Variants in CRIM1 observed in about 807,000 individuals in gnomAD.
CRIM1 encodes the protein cysteine-rich motor neuron 1 protein.
A neutral mutation model predicts 116.4 loss-of-function variants in CRIM1; 32 were observed. That is an observed-to-expected ratio of 0.27 (90% CI 0.21 to 0.37). The LOEUF (loss-of-function observed/expected upper bound fraction) is 0.37. CRIM1 is among the 10% of genes least tolerant of loss of function. The probability of loss-of-function intolerance (pLI) is 1.00; values close to 1 mark genes in which losing one functional copy is unlikely to be tolerated. For missense variants in CRIM1, 1,331 were observed against 1,354.8 expected, an observed-to-expected ratio of 0.98 and a Z score of 0.28; for synonymous variants, 590 against 509.2, an observed-to-expected ratio of 1.16 and a Z score of -2.13.
chr2:36,463,270 T>C (rs1182036037), intron 4 of CRIM1, among the ~76,000 whole-genome samples: 5 of 152,352 alleles, frequency 3.3e-5, no homozygotes, highest in South Asian at 4.1e-4. Context: ...GGCCTCATTA[T>C]TGAAGTACTT....
At chr2:36,515,304 CT>C (rs1328457867) in intron 11 of CRIM1, among the ~76,000 whole-genome samples, 12 of 152,316 alleles carry the variant, frequency 7.9e-5, no homozygotes, top group African/African-American at 2.9e-4. Context: ...AGATCTTTCT[CT>C]ATTACAGAGT....
chr2:36,540,970 G>C (rs993026591), intron 14 of CRIM1, among the ~76,000 whole-genome samples: 3 of 152,124 alleles, frequency 2.0e-5, no homozygotes, highest in Non-Finnish European at 4.4e-5. Flanking sequence ...TTTACTATTG[G>C]GTTGAAATTT....
intron 1 of CRIM1, among the ~76,000 whole-genome samples, chr2:36,364,918 C>T (rs1669487291): frequency 2.0e-5 from 3 of 152,070 alleles, no homozygotes; most frequent in Middle Eastern, 6.8e-3. Flanking sequence ...ATTTTAATTT[C>T]CATTCTATTT....
At chr2:36,455,777 G>A (rs918718529) in intron 4 of CRIM1, among the ~76,000 whole-genome samples, 2 of 152,156 alleles carry the variant, frequency 1.3e-5, no homozygotes, top group African/African-American at 4.8e-5. Flanking sequence ...AAACAAATTC[G>A]AGTGGTGCAT....
chr2:36,400,506 C>T (rs1211040024), intron 2 of CRIM1, among the ~76,000 whole-genome samples: 2 of 152,016 alleles, frequency 1.3e-5, no homozygotes, highest in African/African-American at 4.8e-5. Flanking sequence ...AACCTAATTG[C>T]TTATGCTTCA....
At chr2:36,389,673 A>T (rs951531825) in intron 1 of CRIM1, among the ~76,000 whole-genome samples, 2 of 152,208 alleles carry the variant, frequency 1.3e-5, no homozygotes, top group African/African-American at 4.8e-5. Flanking sequence ...AAAAGGTAAG[A>T]ATCTGAGCAT....
intron 1 of CRIM1, among the ~76,000 whole-genome samples, chr2:36,365,507 C>T (rs1220805495): frequency 6.6e-6 from 1 of 152,100 alleles, no homozygotes; most frequent in Non-Finnish European, 1.5e-5. Flanking sequence ...GGTGTGAGGG[C>T]CAGAGGCCAT....
At chr2:36,489,676 G>C (rs541594608) in intron 7 of CRIM1, among the ~76,000 whole-genome samples, 63 of 152,302 alleles carry the variant, frequency 4.1e-4, no homozygotes, top group African/African-American at 1.4e-3. Context: ...ACAGTTTTTA[G>C]AAATAGGTCT....
intron 6 of CRIM1, among the ~76,000 whole-genome samples, chr2:36,479,049 T>A (rs1463345643): frequency 1.3e-5 from 2 of 152,106 alleles, no homozygotes; most frequent in African/African-American, 4.8e-5. Flanking sequence ...TGAGATAGAG[T>A]TTTAGAAGTA....
intron 15 of CRIM1, among the ~76,000 whole-genome samples, chr2:36,545,255 C>A (rs1667238794): frequency 6.6e-6 from 1 of 152,156 alleles, no homozygotes; most frequent in African/African-American, 2.4e-5. Flanking sequence ...TCTAGATATT[C>A]TAAACGTTAT....
At chr2:36,405,564 C>T (rs2148401958) in intron 2 of CRIM1, among the ~76,000 whole-genome samples, 1 of 152,310 alleles carries the variant, frequency 6.6e-6, no homozygotes, top group African/African-American at 2.4e-5. Context: ...GCATTTCCAG[C>T]AAGCCCCAGG....
chr2:36,539,865 A>T (rs1383473338), intron 14 of CRIM1, among the ~76,000 whole-genome samples: 1 of 152,186 alleles, frequency 6.6e-6, no homozygotes, highest in African/African-American at 2.4e-5. Context: ...TTCAGGAAAG[A>T]AACTGAAAGT....
intron 1 of CRIM1, among the ~76,000 whole-genome samples, chr2:36,364,657 C>T (rs1225598192): frequency 1.3e-5 from 2 of 152,266 alleles, no homozygotes; most frequent in East Asian, 1.9e-4. Context: ...CTAGACAAAC[C>T]TGCATTGAAA....
intron 7 of CRIM1, among the ~76,000 whole-genome samples, chr2:36,480,699 A>G (rs1413068361): frequency 1.3e-5 from 2 of 152,146 alleles, no homozygotes; most frequent in Non-Finnish European, 2.9e-5. Flanking sequence ...AAAGACCTTA[A>G]AAATCATATA....
At chr2:36,386,036 G>A (rs1232104867) in intron 1 of CRIM1, among the ~76,000 whole-genome samples, 2 of 152,122 alleles carry the variant, frequency 1.3e-5, no homozygotes, top group Non-Finnish European at 2.9e-5. Flanking sequence ...ATTGTTAGAA[G>A]GTCTAGTCAC....
At chr2:36,524,137 A>G (rs1318809181) in intron 13 of CRIM1, among the ~76,000 whole-genome samples, 1 of 152,248 alleles carries the variant, frequency 6.6e-6, no homozygotes, top group Admixed American at 6.5e-5. Context: ...CTGATGGGAC[A>G]ATAGTCATAC....
chr2:36,499,190 T>G (rs755612207), intron 7 of CRIM1, 29 bp from the exon 8 acceptor site: 2 of 1,564,746 alleles, frequency 1.3e-6, no homozygotes, highest in Non-Finnish European at 8.8e-7. Flanking sequence ...TATGTTTCAT[T>G]GGTTATTTTT....
At chr2:36,520,851 ATG>A (rs1255979270) in intron 12 of CRIM1, among the ~76,000 whole-genome samples, 1 of 152,212 alleles carries the variant, frequency 6.6e-6, no homozygotes, top group Non-Finnish European at 1.5e-5. Context: ...TGGCAACTAC[ATG>A]TCTCAGTTGT....
At chr2:36,445,276 T>G (rs543600214) in intron 4 of CRIM1, among the ~76,000 whole-genome samples, 1 of 152,222 alleles carries the variant, frequency 6.6e-6, no homozygotes, top group South Asian at 2.1e-4. Flanking sequence ...GTCCCCACTT[T>G]ATGGTGCGGT....
Sources: allele counts gnomAD v4.1 joint callset (sites outside exome capture counted in the v4.1 genomes callset), GRCh38; gene constraint gnomAD v4.1.1; transcripts MANE v1.5; gene names NCBI Gene and HGNC (gene_info 2026-07-23, HGNC 2026-07-21).